DOCK2: variants seen among roughly 807,000 people sequenced by gnomAD.
The protein encoded by DOCK2 is dedicator of cytokinesis protein 2.
Under a neutral mutation model 248.9 loss-of-function variants are expected in DOCK2, and 87 were observed. That is an observed-to-expected ratio of 0.35 (90% confidence interval 0.29 to 0.42). The LOEUF is 0.42. Among genes scored for constraint, DOCK2 ranks in the 10% least tolerant of loss-of-function variants. DOCK2 has a pLI of 1.00. For synonymous variants in DOCK2, 805 were observed against 821.6 expected, an observed-to-expected ratio of 0.98 and a Z score of 0.35; for missense variants, 1,747 against 2,300.2, an observed-to-expected ratio of 0.76 and a Z score of 4.92.
intron 30 of DOCK2, 33 bp from the exon 31 acceptor site, chr5:170,008,464 C>G: frequency 6.2e-7 from 1 of 1,611,648 alleles, no homozygotes; most frequent in Non-Finnish European, 8.5e-7. Context: ...TTCAGACCCT[C>G]TCCATAACTG....
chr5:169,925,779 C>T (rs1348673590), intron 27 of DOCK2, among the ~76,000 whole-genome samples: 1 of 151,922 alleles, frequency 6.6e-6, no homozygotes, highest in South Asian at 2.1e-4. Context: ...TCCAGGATGC[C>T]AGACCAATAA....
chr5:169,856,814 A>G (rs1010797618), intron 27 of DOCK2, among the ~76,000 whole-genome samples: 1 of 152,218 alleles, frequency 6.6e-6, no homozygotes, highest in Non-Finnish European at 1.5e-5. Context: ...TTCTGTCAGC[A>G]TAACCAGGGT....
intron 26 of DOCK2, among the ~76,000 whole-genome samples, chr5:169,818,961 CT>C (rs1768243373): frequency 6.6e-6 from 1 of 152,066 alleles, no homozygotes; most frequent in Non-Finnish European, 1.5e-5. Context: ...CAAATATAAA[CT>C]TTTTGCTTAT....
At position 169,718,688 on chromosome 5, in the gene DOCK2, G is replaced by C. The variant is rs1359183468; in HGVS notation, c.2164G>C (p.Asp722His). Residue 722 changes from aspartate (D) to histidine (H), a missense_variant, in exon 22 of 52, where the codon GAT (aspartate) becomes CAT (histidine). This residue lies in a region of DOCK2 where 858 missense variants were observed against 1,183.5 expected (regional missense o/e 0.72). Transcript: ENST00000520908. ...KLMTVLKTYL[D>H]TSSRGEQCEP... is the part of the protein sequence containing the mutation. The stretch of plus-strand genomic sequence containing the variant: ...GATGACAGTGCTGAAGACTTACTTG[G>C]ATACCTCCAGCAGAGGGGAGCAATG... 6.2e-7 allele frequency: 1 copy of C among 1,613,640 alleles called. No homozygotes were observed. Among genetic ancestry groups the C allele is most frequent in the Non-Finnish European group, 8.5e-7 (1 of 1,179,704 alleles).
intron 1 of DOCK2, among the ~76,000 whole-genome samples, chr5:169,638,225 C>G (rs1041277152): frequency 6.6e-6 from 1 of 152,102 alleles, no homozygotes; most frequent in Non-Finnish European, 1.5e-5. Context: ...ATTGGAAGAC[C>G]CAAACACCCA....
intron 13 of DOCK2, chr5:169,702,085 C>G: frequency 2.5e-6 from 1 of 395,418 alleles, no homozygotes; most frequent in African/African-American, 2.1e-5. Context: ...CCCTACTTCC[C>G]TTTTTGCAAC....
chr5:169,839,165 C>G (rs1026111881), intron 26 of DOCK2, among the ~76,000 whole-genome samples: 2 of 152,146 alleles, frequency 1.3e-5, no homozygotes, highest in Non-Finnish European at 2.9e-5. Context: ...AGGCTGTTCC[C>G]AAACCCCCAT....
intron 23 of DOCK2, among the ~76,000 whole-genome samples, chr5:169,758,987 A>G (rs577355869): frequency 2.2e-4 from 34 of 152,326 alleles, no homozygotes; most frequent in African/African-American, 7.2e-4. Flanking sequence ...TTTTCCATTC[A>G]TGTGACTTAC....
At chr5:169,834,720 A>G (rs1176956766) in intron 26 of DOCK2, among the ~76,000 whole-genome samples, 65 of 131,606 alleles carry the variant, frequency 4.9e-4, no homozygotes, top group South Asian at 1.1e-3. Context: ...TCACCCTGCA[A>G]TAAGCTCACA....
chr5:169,690,858 T>G (rs946449674), intron 9 of DOCK2, among the ~76,000 whole-genome samples: 6 of 152,186 alleles, frequency 3.9e-5, no homozygotes, highest in Non-Finnish European at 7.4e-5. Context: ...CCTCCGCTCC[T>G]CAGAACAAGT....
chr5:169,950,139 A>C (rs1342114817), intron 27 of DOCK2, among the ~76,000 whole-genome samples: 4 of 152,062 alleles, frequency 2.6e-5, no homozygotes, highest in Admixed American at 2.6e-4. Context: ...TTTCTGTTCT[A>C]CTATCATGAG....
chr5:170,030,034 C>CT (rs1488993983), intron 34 of DOCK2, among the ~76,000 whole-genome samples: 1 of 152,184 alleles, frequency 6.6e-6, no homozygotes, highest in Non-Finnish European at 1.5e-5. Context: ...ACTGATGTAT[C>CT]TGGGGGGAAT....
At chr5:169,794,699 C>T (rs200505948) in intron 25 of DOCK2, among the ~76,000 whole-genome samples, 4 of 152,020 alleles carry the variant, frequency 2.6e-5, no homozygotes, top group Admixed American at 6.6e-5. Flanking sequence ...CCGAGGCGGG[C>T]GGATCACGAG....
At chr5:169,643,080 C>G (rs1267505158) in intron 1 of DOCK2, among the ~76,000 whole-genome samples, 1 of 152,154 alleles carries the variant, frequency 6.6e-6, no homozygotes, top group Non-Finnish European at 1.5e-5. Flanking sequence ...CACAAATGTT[C>G]CCTTTAATAG....
chr5:170,041,202 C>A (rs1435163703), intron 37 of DOCK2, 57 bp downstream of exon 37: 5 of 1,444,826 alleles, frequency 3.5e-6, no homozygotes, highest in Non-Finnish European at 4.9e-6. Flanking sequence ...GGCCTCACAG[C>A]AAGTTGAAGA....
At chr5:169,974,988 C>T (rs1340884253) in intron 27 of DOCK2, among the ~76,000 whole-genome samples, 1 of 152,130 alleles carries the variant, frequency 6.6e-6, no homozygotes, top group African/African-American at 2.4e-5. Context: ...TGGCTTTAAC[C>T]AGAGACTGGG....
At chr5:169,994,357 C>G (rs1331311000) in intron 29 of DOCK2, among the ~76,000 whole-genome samples, 1 of 152,106 alleles carries the variant, frequency 6.6e-6, no homozygotes, top group Non-Finnish European at 1.5e-5. Context: ...TCATCCTAGA[C>G]CATGATGAAT....
At chr5:169,742,762 C>A (rs1443732173) in intron 22 of DOCK2, among the ~76,000 whole-genome samples, 2 of 152,188 alleles carry the variant, frequency 1.3e-5, no homozygotes, top group East Asian at 3.8e-4. Flanking sequence ...ACATATGGGG[C>A]TCCATTTGCA....
At chr5:169,972,393 C>A (rs948417357) in intron 27 of DOCK2, among the ~76,000 whole-genome samples, 1 of 152,020 alleles carries the variant, frequency 6.6e-6, no homozygotes, top group Non-Finnish European at 1.5e-5. Context: ...GGGGGCTATC[C>A]TATGTATTGT....
Sources: gnomAD v4.1 joint callset for allele counts (sites outside exome capture counted in the v4.1 genomes callset) on GRCh38, gnomAD v4.1.1 for gene constraint, gnomAD v4.1.1 regional missense constraint, MANE v1.5 for transcripts, NCBI Gene and HGNC (gene_info 2026-07-23, HGNC 2026-07-21) for gene names.